Variants in PRKCE observed in about 807,000 individuals in gnomAD.
PRKCE encodes protein kinase C epsilon, also known as protein kinase C epsilon type.
Under a neutral mutation model 85.4 loss-of-function variants are expected in PRKCE, and 16 were observed. The observed-to-expected ratio is 0.19, with a 90% CI of 0.13 to 0.28. The LOEUF (loss-of-function observed/expected upper bound fraction) is 0.28. Among genes scored for constraint, PRKCE ranks in the 10% least tolerant of loss-of-function variants. The pLI is 1.00. For missense variants in PRKCE, 573 were observed against 975.2 expected, an observed-to-expected ratio of 0.59 and a Z score of 5.49; for synonymous variants, 388 against 371.5, an observed-to-expected ratio of 1.04 and a Z score of -0.51.
chr2:45,810,592 T>C (rs78018496), intron 1 of PRKCE, among the ~76,000 whole-genome samples: 8 of 151,778 alleles, frequency 5.3e-5, no homozygotes, highest in Non-Finnish European at 1.2e-4. Context: ...TCATTTGCAA[T>C]GTTTTGGGGA....
At chr2:45,773,077 C>T (rs2104930565) in intron 1 of PRKCE, among the ~76,000 whole-genome samples, 1 of 152,308 alleles carries the variant, frequency 6.6e-6, no homozygotes, top group Admixed American at 6.5e-5. Flanking sequence ...CTTCAGGATT[C>T]CTTAGGCACT....
intron 2 of PRKCE, among the ~76,000 whole-genome samples, chr2:45,931,196 A>G (rs1339999849): frequency 1.3e-5 from 2 of 152,204 alleles, no homozygotes; most frequent in Non-Finnish European, 2.9e-5. Context: ...CTGATAACAC[A>G]TTTAATTTAT....
chr2:46,082,593 G>A (rs768526312), intron 10 of PRKCE, among the ~76,000 whole-genome samples: 4 of 152,292 alleles, frequency 2.6e-5, no homozygotes, highest in South Asian at 2.1e-4. Flanking sequence ...GAAACTGGGC[G>A]TGGACAAGAT....
At chr2:45,861,095 A>C (rs957418724) in intron 2 of PRKCE, among the ~76,000 whole-genome samples, 1 of 152,210 alleles carries the variant, frequency 6.6e-6, no homozygotes, top group African/African-American at 2.4e-5. Flanking sequence ...TCAGGAAATC[A>C]GAACTCAAGT....
intron 6 of PRKCE, among the ~76,000 whole-genome samples, chr2:45,986,923 C>G (rs1015931760): frequency 6.6e-6 from 1 of 151,942 alleles, no homozygotes; most frequent in Non-Finnish European, 1.5e-5. Flanking sequence ...GGGAGGGGAG[C>G]AGGAGTCTCG....
intron 9 of PRKCE, 140 bp downstream of exon 9, chr2:46,007,801 C>T (rs1705334759): frequency 1.1e-6 from 1 of 920,272 alleles, no homozygotes; most frequent in South Asian, 1.8e-5. Context: ...GTGCAAATGA[C>T]CTGAGGCCAA....
chr2:45,983,513 T>C (rs990607085), intron 5 of PRKCE, among the ~76,000 whole-genome samples: 1 of 152,128 alleles, frequency 6.6e-6, no homozygotes, highest in African/African-American at 2.4e-5. Context: ...CTCAGAAAGG[T>C]AGCCCAGCAG....
rs534084665 is a variant in PRKCE at position 46,016,857 on chromosome 2, C to T, written c.1437+6340C>T. Among the ~76,000 whole-genome samples, 5 of 149,088 alleles carry T rather than the reference C, an allele frequency of 3.4e-5. No individual in the cohort carries two copies. In the South Asian group the frequency reaches 1.1e-3, roughly 32 times the overall value. Reference sequence around the variant, plus strand: ...CCAGGAGGCAGAGGTTGCAGTGAGCCGAGATCGTCCCACTGCACTCCAGCC... The same window carrying T: ...CCAGGAGGCAGAGGTTGCAGTGAGCTGAGATCGTCCCACTGCACTCCAGCC... On this transcript the variant is annotated intron_variant, in intron 10 of 14. Coordinates refer to ENST00000306156, the MANE Select transcript of PRKCE (RefSeq NM_005400.3).
intron 11 of PRKCE, among the ~76,000 whole-genome samples, chr2:46,099,848 G>A (rs190981527): frequency 5.3e-5 from 8 of 152,224 alleles, no homozygotes; most frequent in Admixed American, 3.3e-4. Flanking sequence ...TCACTGGACC[G>A]CTCTTCCCCT....
chr2:45,927,753 G>C (rs930027010), intron 2 of PRKCE, among the ~76,000 whole-genome samples: 1 of 152,190 alleles, frequency 6.6e-6, no homozygotes, highest in Admixed American at 6.5e-5. Flanking sequence ...CCATTAAATA[G>C]ATAAACACAT....
intron 11 of PRKCE, among the ~76,000 whole-genome samples, chr2:46,101,608 C>T (rs767775111): frequency 7.2e-5 from 11 of 152,142 alleles, no homozygotes; most frequent in African/African-American, 2.4e-4. Flanking sequence ...TGTAAGTGCA[C>T]GGTGACATGA....
At chr2:45,924,499 G>A (rs1338825027) in intron 2 of PRKCE, among the ~76,000 whole-genome samples, 4 of 152,206 alleles carry the variant, frequency 2.6e-5, no homozygotes, top group African/African-American at 9.6e-5. Flanking sequence ...GAGGCTGGGA[G>A]TGCGGGCTCC....
chr2:46,151,280 T>TACACACACACACACAC (rs35676949), intron 13 of PRKCE, 51 bp downstream of exon 13: 10 of 559,070 alleles, frequency 1.8e-5, no homozygotes, highest in African/African-American at 1.4e-4. Context: ...CTCCTCCCCC[T>TACACACACACACACAC]ACACACACAC....
chr2:45,869,503 C>CTTTCA (rs1371784883), intron 2 of PRKCE, among the ~76,000 whole-genome samples: 2 of 152,126 alleles, frequency 1.3e-5, no homozygotes, highest in African/African-American at 2.4e-5. Flanking sequence ...TGTGCTGAGC[C>CTTTCA]TTTCACACAT....
At chr2:46,030,798 A>G (rs574760010) in intron 10 of PRKCE, among the ~76,000 whole-genome samples, 28 of 152,266 alleles carry the variant, frequency 1.8e-4, no homozygotes, top group Non-Finnish European at 3.8e-4. Flanking sequence ...GCCCTGTGTG[A>G]TGTGGGATAG....
At chr2:45,795,251 C>A (rs1328394295) in intron 1 of PRKCE, among the ~76,000 whole-genome samples, 1 of 152,168 alleles carries the variant, frequency 6.6e-6, no homozygotes, top group Non-Finnish European at 1.5e-5. Flanking sequence ...TCTCCCACCA[C>A]CCCGCACCAC....
intron 2 of PRKCE, among the ~76,000 whole-genome samples, chr2:45,952,881 A>T (rs778798455): frequency 1.8e-4 from 27 of 152,198 alleles, no homozygotes; most frequent in Non-Finnish European, 3.5e-4. Flanking sequence ...CGAGCTTATA[A>T]ATTAACAGCA....
At chr2:45,866,854 A>G (rs1156795702) in intron 2 of PRKCE, among the ~76,000 whole-genome samples, 1 of 152,284 alleles carries the variant, frequency 6.6e-6, no homozygotes, top group Non-Finnish European at 1.5e-5. Flanking sequence ...ATTGGCCAGC[A>G]CTGGCACATG....
At chr2:45,802,841 A>G (rs531428629) in intron 1 of PRKCE, among the ~76,000 whole-genome samples, 2 of 152,330 alleles carry the variant, frequency 1.3e-5, no homozygotes, top group African/African-American at 4.8e-5. Flanking sequence ...TATGCACTAA[A>G]TCATATGGTG....
Sources: allele counts gnomAD v4.1 joint callset (sites outside exome capture counted in the v4.1 genomes callset), GRCh38; gene constraint gnomAD v4.1.1; transcripts MANE v1.5; gene names NCBI Gene and HGNC (gene_info 2026-07-23, HGNC 2026-07-21).